The following LMOD1 variants were observed in gnomAD, a reference collection of about 807,000 sequenced individuals.
LMOD1 encodes the protein leiomodin-1.
A neutral mutation model predicts 36.5 loss-of-function variants in LMOD1; 8 were observed. The observed-to-expected ratio is 0.22, with a 90% confidence interval of 0.13 to 0.40. LMOD1 has a LOEUF of 0.40. LMOD1 is among the 10% of genes least tolerant of loss of function. The pLI, the probability that LMOD1 is intolerant of heterozygous loss-of-function variation, is 1.00. For synonymous variants in LMOD1, 284 were observed against 288.7 expected (o/e 0.98, Z 0.17); for missense variants, 630 against 751.1 (o/e 0.84, Z 1.88).
intron 1 of LMOD1, among the ~76,000 whole-genome samples, chr1:201,903,280 C>T (rs1369786804): frequency 6.6e-6 from 1 of 152,226 alleles, no homozygotes; most frequent in Non-Finnish European, 1.5e-5. Flanking sequence ...TCACAATAAG[C>T]AGCCAAGGGG....
chr1:201,942,094 G>T (rs747991471), intron 1 of LMOD1, among the ~76,000 whole-genome samples: 1 of 152,208 alleles, frequency 6.6e-6, no homozygotes, highest in Admixed American at 6.5e-5. Context: ...AGCTACACTG[G>T]CTGACAGGTC....
intron 1 of LMOD1, among the ~76,000 whole-genome samples, chr1:201,942,546 G>A (rs186582331): frequency 1.3e-5 from 2 of 152,210 alleles, no homozygotes; most frequent in East Asian, 3.9e-4. Context: ...GCAGGCCAAG[G>A]GCCCTCTGGC....
chr1:201,898,160 C>G lies in LMOD1; in HGVS notation c.*212G>C, dbSNP rs897814630. 1.0e-5 allele frequency: 6 copies of G among 601,278 alleles called. No individual in the cohort carries two copies. The highest frequency in any genetic ancestry group is 1.8e-5 in the Non-Finnish European group (6 of 334,164). The allele number at this position is 601,278 out of a possible 1,614,324, so 37.2% of individuals were successfully genotyped here. A position where few individuals can be genotyped will look rare whatever the true frequency, so the allele number is the denominator to read the frequency against. On this transcript the variant is annotated 3_prime_UTR_variant, in exon 3 of 3. Coordinates refer to ENST00000367288, the MANE Select transcript of LMOD1 (RefSeq NM_012134.3). ...GAAACCTGAGCTCCATGTACTAAAG[C>G]AAAATTTGGAGAGCCTCAGAGACAA...
chr1:201,922,540 G>A (rs1191726134), intron 1 of LMOD1, among the ~76,000 whole-genome samples: 1 of 152,088 alleles, frequency 6.6e-6, no homozygotes, highest in Non-Finnish European at 1.5e-5. Context: ...AATCTGTAGA[G>A]ACAGAAAATG....
At chr1:201,927,730 G>A (rs905458422) in intron 1 of LMOD1, among the ~76,000 whole-genome samples, 2 of 152,208 alleles carry the variant, frequency 1.3e-5, no homozygotes, top group Non-Finnish European at 2.9e-5. Flanking sequence ...CTCAGTGTAA[G>A]CAAAATGGCG....
intron 1 of LMOD1, among the ~76,000 whole-genome samples, chr1:201,901,553 CATATATATATGTATATATATATAT>C (rs779603669): frequency 2.6e-5 from 1 of 38,358 alleles, no homozygotes; most frequent in African/African-American, 1.5e-4. Context: ...TATATATATA[CATATATATATGTATATATATATAT>C]ATATATACAT....
chr1:201,898,297 G>T lies in LMOD1; in HGVS notation c.*75C>A. 6.7e-7 allele frequency: 1 copy of T among 1,483,132 alleles called. No individual in the cohort carries two copies. Among genetic ancestry groups the T allele is most frequent in the Non-Finnish European group, 9.3e-7 (1 of 1,073,524 alleles). The allele number at this position is 1,483,132 out of a possible 1,614,324, so 91.9% of individuals were successfully genotyped here. On this transcript the variant is annotated 3_prime_UTR_variant, in exon 3 of 3. Transcript: ENST00000367288. ...AGCAGGTCAGCCAGGGATGGGGTGG[G>T]CAGGGTCTGTGTAGCCCTGGGAGGT... is the stretch of plus-strand genomic sequence containing the variant.
intron 1 of LMOD1, among the ~76,000 whole-genome samples, chr1:201,923,904 G>GA (rs1558239914): frequency 1.8e-5 from 2 of 109,078 alleles, no homozygotes; most frequent in African/African-American, 6.6e-5. Context: ...AGAGAGAGAG[G>GA]GAGGGAGAGA....
chr1:201,909,325 C>A (rs966993361), intron 1 of LMOD1, among the ~76,000 whole-genome samples: 2 of 152,244 alleles, frequency 1.3e-5, no homozygotes, highest in Admixed American at 1.3e-4. Context: ...AGAATGGCCA[C>A]CCCTTCCATC....
chr1:201,908,797 T>C (rs182066064), intron 1 of LMOD1, among the ~76,000 whole-genome samples: 2 of 152,290 alleles, frequency 1.3e-5, no homozygotes, highest in East Asian at 3.9e-4. Context: ...ACATGGAAAC[T>C]GTCCGAAATG....
chr1:201,917,818 C>G (rs993602165), intron 1 of LMOD1, among the ~76,000 whole-genome samples: 3 of 152,210 alleles, frequency 2.0e-5, no homozygotes, highest in Non-Finnish European at 2.9e-5. Flanking sequence ...CGGAGGGTGG[C>G]AGAAGGAACA....
At chr1:201,906,533 G>C (rs982478398) in intron 1 of LMOD1, among the ~76,000 whole-genome samples, 1 of 152,174 alleles carries the variant, frequency 6.6e-6, no homozygotes, top group African/African-American at 2.4e-5. Flanking sequence ...AGCTGACTAT[G>C]GGCTGGAGGG....
chr1:201,922,948 A>C (rs1681730724), intron 1 of LMOD1, among the ~76,000 whole-genome samples: 1 of 151,570 alleles, frequency 6.6e-6, no homozygotes, highest in Admixed American at 6.6e-5. Context: ...CCTCAGCCTC[A>C]CGAGTAGCTG....
chr1:201,928,693 A>G (rs980888630), intron 1 of LMOD1, among the ~76,000 whole-genome samples: 1 of 152,244 alleles, frequency 6.6e-6, no homozygotes, highest in African/African-American at 2.4e-5. Context: ...ATCTGGGTGC[A>G]TATAGAGCAA....
At chr1:201,927,829 C>T (rs1358117818) in intron 1 of LMOD1, among the ~76,000 whole-genome samples, 1 of 152,086 alleles carries the variant, frequency 6.6e-6, no homozygotes, top group African/African-American at 2.4e-5. Flanking sequence ...TAATTTCTTC[C>T]CTATGAATTC....
At chr1:201,916,142 T>G (rs1245224989) in intron 1 of LMOD1, among the ~76,000 whole-genome samples, 1 of 151,202 alleles carries the variant, frequency 6.6e-6, no homozygotes, top group Non-Finnish European at 1.5e-5. Context: ...GGTCTTAAAC[T>G]TCTGGGCTCA....
At chr1:201,910,744 CTTTTTTTTT>C (rs58506647) in intron 1 of LMOD1, among the ~76,000 whole-genome samples, 7 of 49,068 alleles carry the variant, frequency 1.4e-4, no homozygotes, top group South Asian at 1.1e-3. Context: ...TGGTGTCATT[CTTTTTTTTT>C]TTTTTTTTTT....
chr1:201,919,745 ACTCTCAG>A (rs1236219719), intron 1 of LMOD1, among the ~76,000 whole-genome samples: 1 of 151,936 alleles, frequency 6.6e-6, no homozygotes, highest in Non-Finnish European at 1.5e-5. Flanking sequence ...GCTCACTGTG[ACTCTCAG>A]CTTCAGATAA....
At chr1:201,943,213 G>T (rs1396225094) in intron 1 of LMOD1, among the ~76,000 whole-genome samples, 1 of 152,040 alleles carries the variant, frequency 6.6e-6, no homozygotes, top group Non-Finnish European at 1.5e-5. Flanking sequence ...TGTCTTTTTT[G>T]CACCCTAGTA....
Sources: allele counts gnomAD v4.1 joint callset (sites outside exome capture counted in the v4.1 genomes callset), GRCh38; gene constraint gnomAD v4.1.1; transcripts MANE v1.5; gene names NCBI Gene and HGNC (gene_info 2026-07-23, HGNC 2026-07-21).